FGGY: variants seen among roughly 807,000 people sequenced by gnomAD.
The protein encoded by FGGY is FGGY carbohydrate kinase domain-containing protein.
FGGY carries 72 observed loss-of-function variants against 71.3 expected under a neutral mutation model. The observed-to-expected ratio is 1.01, with a 90% CI of 0.84 to 1.23. The LOEUF (loss-of-function observed/expected upper bound fraction) is 1.23, where lower values mean the gene tolerates loss of function less well. Ranked by LOEUF, FGGY falls within the 50% of genes most tolerant of loss-of-function variation. The pLI, the probability that FGGY is intolerant of heterozygous loss-of-function variation, is 0.00. For missense variants in FGGY, 668 were observed against 682.3 expected (o/e 0.98, Z 0.23); for synonymous variants, 251 against 250.3 (o/e 1.00, Z -0.02).
intron 5 of FGGY, among the ~76,000 whole-genome samples, chr1:59,411,286 C>A (rs1198498107): frequency 3.9e-5 from 6 of 152,190 alleles, no homozygotes; most frequent in African/African-American, 1.2e-4. Context: ...GTGTTTTTGG[C>A]AGGGAAGCTA....
At chr1:59,522,342 G>T (rs934537930) in intron 7 of FGGY, among the ~76,000 whole-genome samples, 9 of 152,172 alleles carry the variant, frequency 5.9e-5, no homozygotes, top group African/African-American at 2.4e-5. Flanking sequence ...ATGCATATTT[G>T]TATCTATAGT....
intron 5 of FGGY, among the ~76,000 whole-genome samples, chr1:59,385,667 A>G (rs1430127376): frequency 6.6e-6 from 1 of 152,158 alleles, no homozygotes; most frequent in Non-Finnish European, 1.5e-5. Flanking sequence ...ATTTGAGGTG[A>G]CTAATAATAA....
At chr1:59,729,455 G>A (rs935996435) in intron 14 of FGGY, among the ~76,000 whole-genome samples, 2 of 152,082 alleles carry the variant, frequency 1.3e-5, no homozygotes, top group Non-Finnish European at 2.9e-5. Context: ...TGGATATGAT[G>A]TATCTGGTAA....
chr1:59,372,886 A>C (rs564992793), intron 4 of FGGY, among the ~76,000 whole-genome samples: 1 of 152,286 alleles, frequency 6.6e-6, no homozygotes, highest in African/African-American at 2.4e-5. Flanking sequence ...CTCTCAATAA[A>C]TTAGGTATTG....
At chr1:59,698,920 C>G (rs1303948757) in intron 14 of FGGY, 2 of 985,252 alleles carry the variant, frequency 2.0e-6, no homozygotes, top group Non-Finnish European at 2.4e-6. Context: ...CCTAAATATG[C>G]TCCTAGCAGC....
rs2097688905 is a variant in FGGY at position 59,699,151 on chromosome 1, T to G, written c.1512+25018T>G. On this transcript the variant is annotated intron_variant, in intron 14 of 15. Transcript: ENST00000303721. ...TTATAAAACAAATTATACCACAAAC[T>G]TTTAGTATCGTGAGCTTCAGCTGAG... is the stretch of plus-strand genomic sequence containing the variant. The G allele has an allele frequency of 3.0e-6, 3 of 985,298 alleles. No individual in the cohort carries two copies. In the African/African-American group the frequency reaches 5.2e-5, roughly 17 times the overall value. The allele number at this position is 985,298 out of a possible 1,614,324, so 61.0% of individuals were successfully genotyped here.
intron 12 of FGGY, among the ~76,000 whole-genome samples, chr1:59,663,301 T>C (rs2097294786): frequency 6.6e-6 from 1 of 152,244 alleles, no homozygotes; most frequent in African/African-American, 2.4e-5. Flanking sequence ...CTTTCCACTT[T>C]ACCATGCTGC....
At chr1:59,592,214 G>A (rs1207161247) in intron 8 of FGGY, among the ~76,000 whole-genome samples, 1 of 152,158 alleles carries the variant, frequency 6.6e-6, no homozygotes, top group African/African-American at 2.4e-5. Context: ...TCAGAGAAAT[G>A]CAAATCAAAA....
intron 6 of FGGY, among the ~76,000 whole-genome samples, chr1:59,484,623 C>G (rs915551059): frequency 6.6e-6 from 1 of 152,166 alleles, no homozygotes; most frequent in African/African-American, 2.4e-5. Context: ...AAGAGTCACT[C>G]TCACTTGCAT....
At position 59,321,541 on chromosome 1, in the gene FGGY, G is replaced by A. The variant is rs527326128; in HGVS notation, c.-9G>A. 1.2e-4 allele frequency: 194 copies of A among 1,613,604 alleles called. 3 individuals are homozygous for A. The East Asian group carries it at 3.8e-3, about 31-fold the overall frequency. ...TTTACACTTGCTTACTATAGGTGGA[G>A]GAACTGCAATGTCTGGTGGAGAACA... On this transcript the variant is annotated 5_prime_UTR_variant, in exon 2 of 16. Coordinates refer to ENST00000303721, the MANE Select transcript of FGGY (RefSeq NM_018291.5).
At chr1:59,589,696 A>ATTACTACTGGGTACAGTACTACTGGG in intron 8 of FGGY, among the ~76,000 whole-genome samples, 1 of 152,360 alleles carries the variant, frequency 6.6e-6, no homozygotes, top group East Asian at 1.9e-4. Flanking sequence ...TACTGGGTAC[A>ATTACTACTGGGTACAGTACTACTGGG]TAATGAAATG....
Position 59,645,913 on chromosome 1 carries a change from C to T in FGGY, c.1221+7538C>T, listed in dbSNP as rs377175186. ...AGAGCTGTGACTTCTAACATCAGAGCGTATGCTACTCAAACTGCTGGAGAG... is the reference window on the plus strand; with the variant it reads ...AGAGCTGTGACTTCTAACATCAGAGTGTATGCTACTCAAACTGCTGGAGAG... On this transcript the variant is annotated intron_variant, in intron 11 of 15. Transcript: ENST00000303721. Among the ~76,000 whole-genome samples the T allele has an allele frequency of 2.3e-4, 35 of 152,316 alleles. 1 individual carries two copies. In the South Asian group the frequency reaches 7.0e-3, roughly 31 times the overall value.
intron 11 of FGGY, among the ~76,000 whole-genome samples, chr1:59,654,969 C>T (rs190497791): frequency 5.3e-5 from 8 of 152,150 alleles, no homozygotes; most frequent in Admixed American, 2.0e-4. Flanking sequence ...TTGCAAGAGT[C>T]CCCCCACTCT....
Position 59,626,040 on chromosome 1 carries a change from C to T in FGGY, c.1064C>T (p.Ala355Val). The change falls in exon 10 of 16, where the codon GCC (alanine) becomes GTC (valine). Residue 355 changes from alanine (A) to valine (V), a missense_variant. By Grantham distance (64) the Ala-to-Val change is moderately conservative. Around this residue, in one of 2 missense-constraint regions of FGGY, gnomAD observed 661 missense variants for 661.6 expected, o/e 1.00. Coordinates refer to ENST00000303721, the MANE Select transcript of FGGY (RefSeq NM_018291.5). ...HAAFPELQVK[A>V]TARCQSIYAY... ...GCTTTTCCAGAACTACAAGTAAAGG[C>T]CACAGCCAGGTAACTGCTGTCTCTG... is the stretch of plus-strand genomic sequence containing the variant. 1 of 1,613,248 alleles carries T rather than the reference C, an allele frequency of 6.2e-7. No individual in the cohort carries two copies. Among genetic ancestry groups the T allele is most frequent in the Non-Finnish European group, 8.5e-7 (1 of 1,179,544 alleles).
At chr1:59,531,004 T>A (rs1298494537) in intron 7 of FGGY, among the ~76,000 whole-genome samples, 1 of 152,102 alleles carries the variant, frequency 6.6e-6, no homozygotes, top group Non-Finnish European at 1.5e-5. Context: ...GAGGGGACAT[T>A]AAAAAATTAA....
At chr1:59,749,805 C>A (rs527883794) in intron 14 of FGGY, among the ~76,000 whole-genome samples, 147 of 152,204 alleles carry the variant, frequency 9.7e-4, no homozygotes, top group Non-Finnish European at 1.8e-3. Flanking sequence ...TCCCCATTTT[C>A]TGATGAGGCA....
intron 5 of FGGY, among the ~76,000 whole-genome samples, chr1:59,404,164 A>T (rs2153412356): frequency 6.6e-6 from 1 of 152,184 alleles, no homozygotes; most frequent in East Asian, 1.9e-4. Context: ...CAGGTAAAAA[A>T]ATATACCTTT....
In FGGY at chr1:59,654,995, C is replaced by T. The variant is rs558284795; in HGVS notation, c.1222-5224C>T. 2.6e-5 allele frequency among the ~76,000 whole-genome samples: 4 copies of T among 152,288 alleles called. No homozygotes were observed. In the East Asian group the frequency reaches 5.8e-4, roughly 22 times the overall value. On this transcript the variant is annotated intron_variant, in intron 11 of 15. Transcript: ENST00000303721. ...CCCCCACTCTGTGTCCCTGGGCACT[C>T]AGGGGCTTCTCCATACTCCTGCATG...
At position 59,762,637 on chromosome 1, in the gene FGGY, C is replaced by CG; in HGVS notation, c.*53_*54insG. 1.9e-6 allele frequency: 2 copies of CG among 1,032,734 alleles called. No homozygotes were observed. The highest frequency in any genetic ancestry group is 2.8e-6 in the Non-Finnish European group (2 of 716,760). 64.0% of individuals were successfully genotyped at this position (1,032,734 alleles called of 1,614,324 possible). On this transcript the variant is annotated 3_prime_UTR_variant, in exon 16 of 16. Transcript: ENST00000303721. ...AGCTTCTGTGCCATTGCATTAAAGA[C>CG]TTGTCATTTGATCCATGTTCAAGAC... is the stretch of plus-strand genomic sequence containing the variant.
Sources: gnomAD v4.1 joint callset for allele counts (sites outside exome capture counted in the v4.1 genomes callset) on GRCh38, gnomAD v4.1.1 for gene constraint, gnomAD v4.1.1 regional missense constraint, MANE v1.5 for transcripts, NCBI Gene and HGNC (gene_info 2026-07-23, HGNC 2026-07-21) for gene names.